PRCP: variants seen among roughly 807,000 people sequenced by gnomAD.
PRCP encodes lysosomal Pro-X carboxypeptidase.
In PRCP, 46 loss-of-function variants were observed where a neutral mutation model predicts 54.2. That is an observed-to-expected ratio of 0.85 (90% confidence interval 0.67 to 1.09). The LOEUF (loss-of-function observed/expected upper bound fraction) is 1.09, where lower values mean the gene tolerates loss of function less well. PRCP is among the 50% of genes least tolerant of loss of function. The pLI is 0.00. For missense variants in PRCP, 613 were observed against 596.8 expected (o/e 1.03, Z -0.28); for synonymous variants, 240 against 212.2 (o/e 1.13, Z -1.14).
chr11:82,874,087 G>C (rs1859542727), intron 1 of PRCP, among the ~76,000 whole-genome samples: 1 of 152,186 alleles, frequency 6.6e-6, no homozygotes, highest in African/African-American at 2.4e-5. Flanking sequence ...TAAAGGAAGG[G>C]AAAAGGATAT....
intron 1 of PRCP, among the ~76,000 whole-genome samples, chr11:82,873,995 T>C (rs1302742394): frequency 2.6e-5 from 4 of 152,236 alleles, no homozygotes; most frequent in African/African-American, 4.8e-5. Flanking sequence ...CTTTTTATCA[T>C]TATCTTAAAG....
chr11:82,825,909 T>TA (rs1169497077), intron 8 of PRCP: 3 of 152,074 alleles, frequency 2.0e-5, no homozygotes, highest in Non-Finnish European at 4.4e-5. Flanking sequence ...TTTCACTGAG[T>TA]AAAAAATCCA....
At chr11:82,874,432 C>T (rs1009654352) in intron 1 of PRCP, among the ~76,000 whole-genome samples, 2 of 152,100 alleles carry the variant, frequency 1.3e-5, no homozygotes, top group Admixed American at 1.3e-4. Context: ...GGCTCACACC[C>T]GTGATCCCAG....
intron 8 of PRCP, 106 bp downstream of exon 8, chr11:82,838,281 G>T: frequency 9.4e-7 from 1 of 1,063,426 alleles, no homozygotes; most frequent in Non-Finnish European, 1.4e-6. Context: ...TAGCACTGTT[G>T]TATTCTATGT....
rs369278104 is a variant in PRCP, at chr11:82,889,753, TG to T, written c.168+10481del. 2.5e-4 allele frequency among the ~76,000 whole-genome samples: 38 copies of T among 152,034 alleles called. No individual in the cohort carries two copies. The East Asian group carries it at 7.0e-3, about 28-fold the overall frequency. ...ATATGTGGTGAATAGATAAGCAAAA[TG>T]GAAAGGCAGTTAGGGCCATAGATTG... On this transcript the variant is annotated intron_variant, in intron 1 of 8. Transcript: ENST00000313010.
chr11:82,826,383 T>A (rs1357191457), intron 8 of PRCP: 2 of 152,226 alleles, frequency 1.3e-5, no homozygotes, highest in African/African-American at 4.8e-5. Flanking sequence ...TGATGCACGT[T>A]TGTATTGTTT....
chr11:82,901,053 C>A (rs545183149), upstream of PRCP: 137 of 373,296 alleles, frequency 3.7e-4, 2 homozygotes, highest in South Asian at 2.6e-3. Flanking sequence ...TGCACTAGAT[C>A]ACTCAGCAGT....
chr11:82,828,772 A>G (rs1858304930), intron 8 of PRCP: 1 of 152,226 alleles, frequency 6.6e-6, no homozygotes, highest in Non-Finnish European at 1.5e-5. Context: ...ACCAAAGTTC[A>G]ATGGTGTACT....
At chr11:82,848,372 A>T (rs1024328312) in intron 6 of PRCP, among the ~76,000 whole-genome samples, 1 of 152,248 alleles carries the variant, frequency 6.6e-6, no homozygotes, top group Admixed American at 6.5e-5. Flanking sequence ...AGTGTTTCAC[A>T]TCCAACATTT....
chr11:82,897,697 G>A (rs1305658896), intron 1 of PRCP, among the ~76,000 whole-genome samples: 4 of 152,214 alleles, frequency 2.6e-5, no homozygotes, highest in Admixed American at 6.5e-5. Flanking sequence ...AAGTTGGAAC[G>A]ACCAGCTAGG....
chr11:82,876,378 A>G (rs983635854), intron 1 of PRCP, among the ~76,000 whole-genome samples: 7 of 152,252 alleles, frequency 4.6e-5, no homozygotes, highest in Non-Finnish European at 8.8e-5. Flanking sequence ...ATAACCATCA[A>G]TAACTTTATA....
At chr11:82,837,069 G>A (rs1156688369) in intron 8 of PRCP, 3 of 212,724 alleles carry the variant, frequency 1.4e-5, no homozygotes, top group Non-Finnish European at 3.0e-5. Flanking sequence ...AATTGTCAAG[G>A]TGATGTCACA....
chr11:82,832,909 G>A (rs1027015996), intron 8 of PRCP, among the ~76,000 whole-genome samples: 17 of 152,102 alleles, frequency 1.1e-4, no homozygotes, highest in African/African-American at 4.1e-4. Context: ...CAGAAAAGTA[G>A]GAGAATTTTG....
intron 1 of PRCP, among the ~76,000 whole-genome samples, chr11:82,897,527 G>T (rs537999022): frequency 6.6e-6 from 1 of 152,188 alleles, no homozygotes; most frequent in Non-Finnish European, 1.5e-5. Flanking sequence ...TCAAAGATTC[G>T]CAGAAGAGGT....
chr11:82,880,824 G>T (rs1036947452), intron 1 of PRCP, among the ~76,000 whole-genome samples: 1 of 138,008 alleles, frequency 7.2e-6, no homozygotes, highest in Non-Finnish European at 1.6e-5. Flanking sequence ...TTTCCCATCT[G>T]CCCTTATGGA....
chr11:82,835,672 C>T (rs1163212303), intron 8 of PRCP: 1 of 308,302 alleles, frequency 3.2e-6, no homozygotes, highest in African/African-American at 2.2e-5. Flanking sequence ...ATGAAGACGA[C>T]GGTAGGAAAA....
upstream of PRCP, chr11:82,901,478 C>A: frequency 6.3e-6 from 1 of 158,494 alleles, no homozygotes; most frequent in East Asian, 1.9e-4. Flanking sequence ...CCCCAGGGCG[C>A]TGCGGCTCAC....
At chr11:82,877,556 G>A (rs1026277994) in intron 1 of PRCP, among the ~76,000 whole-genome samples, 1 of 152,210 alleles carries the variant, frequency 6.6e-6, no homozygotes, top group African/African-American at 2.4e-5. Context: ...GCTTAAAGGG[G>A]CCAACATAGA....
intron 1 of PRCP, among the ~76,000 whole-genome samples, chr11:82,887,567 C>T (rs2121259247): frequency 6.6e-6 from 1 of 152,240 alleles, no homozygotes; most frequent in Middle Eastern, 3.4e-3. Context: ...AAGTATTGTT[C>T]CTTGGGAGTA....
Sources: allele counts gnomAD v4.1 joint callset (sites outside exome capture counted in the v4.1 genomes callset), GRCh38; gene constraint gnomAD v4.1.1; transcripts MANE v1.5; gene names NCBI Gene and HGNC (gene_info 2026-07-23, HGNC 2026-07-21).